The following DIP2C variants were observed in gnomAD, a reference collection of about 807,000 sequenced individuals.
The protein encoded by DIP2C is DIP2 acetate--CoA ligase C (putative).
DIP2C carries 33 observed loss-of-function variants against 192.4 expected under a neutral mutation model. The ratio of observed to expected loss-of-function variants is 0.17; its 90% CI spans 0.13 to 0.23. The LOEUF (loss-of-function observed/expected upper bound fraction) is 0.23, where lower values mean the gene tolerates loss of function less well. Ranked by LOEUF, DIP2C falls within the 10% of genes least tolerant of loss-of-function variation. DIP2C has a pLI of 1.00. For synonymous variants in DIP2C, 979 were observed against 864.1 expected, an observed-to-expected ratio of 1.13 and a Z score of -2.33; for missense variants, 1,537 against 2,110.1, an observed-to-expected ratio of 0.73 and a Z score of 5.32.
chr10:369,252 A>G (rs1302512488), intron 18 of DIP2C, among the ~76,000 whole-genome samples: 1 of 152,194 alleles, frequency 6.6e-6, no homozygotes, highest in African/African-American at 2.4e-5. Flanking sequence ...TCCAGGGAAG[A>G]GCAGCCTGAG....
rs530135849 is a variant in DIP2C, at chr10:309,925, A to G, written c.3986+106T>C. On this transcript the variant is annotated intron_variant, in intron 32 of 36. Coordinates refer to ENST00000280886, the MANE Select transcript of DIP2C (RefSeq NM_014974.3). The stretch of plus-strand genomic sequence containing the variant: ...CTCATGAGACAGTTACACTCTGGGC[A>G]GATAAACATCGTGTGCACCTCTTCT... 6.4e-5 allele frequency: 70 copies of G among 1,085,564 alleles called. No homozygotes were observed. In the African/African-American group the frequency reaches 9.7e-4, roughly 15 times the overall value. The allele number at this position is 1,085,564 out of a possible 1,614,324, so 67.2% of individuals were successfully genotyped here.
chr10:444,219 A>ATT (rs1967970329), intron 3 of DIP2C, among the ~76,000 whole-genome samples: 1 of 151,108 alleles, frequency 6.6e-6, no homozygotes, highest in African/African-American at 2.4e-5. Context: ...ACTCGTGTAG[A>ATT]TTCTCTACCA....
intron 1 of DIP2C, among the ~76,000 whole-genome samples, chr10:499,505 A>C (rs889130246): frequency 6.6e-6 from 1 of 152,260 alleles, no homozygotes; most frequent in African/African-American, 2.4e-5. Context: ...GGCCTATCTT[A>C]CATGGCGGCA....
chr10:396,827 G>GT (rs1554842458), intron 10 of DIP2C, among the ~76,000 whole-genome samples: 561 of 41,450 alleles, frequency 0.014, 9 homozygotes, highest in African/African-American at 0.042. Flanking sequence ...CAAATCCGGT[G>GT]GGGGGGGGGG....
At chr10:551,760 T>G (rs979129222) in intron 1 of DIP2C, among the ~76,000 whole-genome samples, 33 of 152,310 alleles carry the variant, frequency 2.2e-4, no homozygotes, top group African/African-American at 7.5e-4. Flanking sequence ...GCTCTCTCAA[T>G]GGAGTTGTGA....
At chr10:355,800 G>A (rs535356925) in intron 24 of DIP2C, among the ~76,000 whole-genome samples, 7 of 152,278 alleles carry the variant, frequency 4.6e-5, no homozygotes, top group South Asian at 4.1e-4. Flanking sequence ...TTTAGGGCTC[G>A]GTGTGGTGAC....
intron 1 of DIP2C, among the ~76,000 whole-genome samples, chr10:573,426 T>TC: frequency 6.6e-6 from 1 of 152,324 alleles, no homozygotes; most frequent in East Asian, 1.9e-4. Context: ...TTGCTGTTTT[T>TC]CGGACAGGGT....
At chr10:498,797 G>A (rs1845031556) in intron 1 of DIP2C, among the ~76,000 whole-genome samples, 2 of 152,146 alleles carry the variant, frequency 1.3e-5, no homozygotes, top group African/African-American at 2.4e-5. Context: ...TAACACCCCA[G>A]GCCTGAAAAA....
At chr10:492,822 G>A (rs1201965226) in intron 1 of DIP2C, among the ~76,000 whole-genome samples, 1 of 152,314 alleles carries the variant, frequency 6.6e-6, no homozygotes, top group African/African-American at 2.4e-5. Context: ...AAAGGAAACA[G>A]CATGTTTGGA....
intron 3 of DIP2C, among the ~76,000 whole-genome samples, chr10:449,344 G>C (rs575070750): frequency 1.3e-5 from 2 of 152,116 alleles, no homozygotes; most frequent in Non-Finnish European, 2.9e-5. Context: ...CAAAATTAAC[G>C]ATCAAGTAAA....
At chr10:643,517 A>C (rs1855308435) in intron 1 of DIP2C, among the ~76,000 whole-genome samples, 1 of 152,174 alleles carries the variant, frequency 6.6e-6, no homozygotes, top group Non-Finnish European at 1.5e-5. Context: ...CCATCTCAAA[A>C]AAAAACAAAA....
chr10:360,154 G>A (rs928351758), intron 22 of DIP2C, among the ~76,000 whole-genome samples: 6 of 152,124 alleles, frequency 3.9e-5, no homozygotes, highest in African/African-American at 1.4e-4. Flanking sequence ...TCATCTCCAC[G>A]TGCATCCTCT....
chr10:298,030 C>A (rs913375629), intron 32 of DIP2C, among the ~76,000 whole-genome samples: 2 of 152,172 alleles, frequency 1.3e-5, no homozygotes, highest in African/African-American at 4.8e-5. Context: ...TCTCAGAATG[C>A]GCACATATCC....
chr10:332,527 T>G (rs1957549978), intron 29 of DIP2C, among the ~76,000 whole-genome samples: 1 of 152,200 alleles, frequency 6.6e-6, no homozygotes, highest in African/African-American at 2.4e-5. Context: ...AATTGCTGTA[T>G]TAGCCAAAAT....
chr10:487,868 G>T (rs2133565458), intron 1 of DIP2C, among the ~76,000 whole-genome samples: 1 of 152,226 alleles, frequency 6.6e-6, no homozygotes, highest in Non-Finnish European at 1.5e-5. Flanking sequence ...GAGCCACCGT[G>T]CCCAGCCGAT....
At chr10:641,172 G>A (rs1453851847) in intron 1 of DIP2C, among the ~76,000 whole-genome samples, 1 of 151,380 alleles carries the variant, frequency 6.6e-6, no homozygotes, top group African/African-American at 2.4e-5. Flanking sequence ...CACCTTGGAA[G>A]ATCTCAAGGC....
chr10:521,341 C>A (rs990978769), intron 1 of DIP2C, among the ~76,000 whole-genome samples: 1 of 152,182 alleles, frequency 6.6e-6, no homozygotes, highest in Non-Finnish European at 1.5e-5. Context: ...TTCTGAGGTG[C>A]CTGAGTGGGG....
chr10:585,398 CCA>C (rs1052084724), intron 1 of DIP2C, among the ~76,000 whole-genome samples: 4 of 152,204 alleles, frequency 2.6e-5, no homozygotes, highest in Non-Finnish European at 4.4e-5. Flanking sequence ...CCTGAGTATT[CCA>C]CATAGTATTA....
Position 531,009 on chromosome 10 carries a change from G to A in DIP2C, c.86-44479C>T, listed in dbSNP as rs114108237. On this transcript the variant is annotated intron_variant, in intron 1 of 36. Transcript: ENST00000280886. Reference sequence around the variant, plus strand: ...GGCAGCCCCGACTGGACAGAAGGGCGTCGTGAGCATCCTTTCCCGCCAAAA... The same window carrying A: ...GGCAGCCCCGACTGGACAGAAGGGCATCGTGAGCATCCTTTCCCGCCAAAA... 5.6e-3 allele frequency among the ~76,000 whole-genome samples: 850 copies of A among 152,290 alleles called. 10 individuals carry two copies. The highest frequency in any genetic ancestry group is 0.019 in the African/African-American group (781 of 41,558).
Sources: gnomAD v4.1 joint callset for allele counts (sites outside exome capture counted in the v4.1 genomes callset) on GRCh38, gnomAD v4.1.1 for gene constraint, MANE v1.5 for transcripts, NCBI Gene and HGNC (gene_info 2026-07-23, HGNC 2026-07-21) for gene names.